The following PPP2R3B variants were observed in gnomAD, a reference collection of about 807,000 sequenced individuals.
PPP2R3B encodes the protein serine/threonine-protein phosphatase 2A regulatory subunit B'' subunit beta.
Under a neutral mutation model 72.9 loss-of-function variants are expected in PPP2R3B, and 68 were observed. That is an observed-to-expected ratio of 0.93 (90% CI 0.77 to 1.14). The LOEUF (loss-of-function observed/expected upper bound fraction) is 1.14. Among genes scored for constraint, PPP2R3B ranks in the 50% most tolerant of loss-of-function variants. The pLI is 0.00. For synonymous variants in PPP2R3B, 466 were observed against 375.8 expected (o/e 1.24, Z -2.78); for missense variants, 1,018 against 842.0 (o/e 1.21, Z -2.59).
intron 1 of PPP2R3B, among the ~76,000 whole-genome samples, chrX:377,421 C>T (rs1244366089): frequency 7.9e-5 from 3 of 37,890 alleles, no homozygotes; most frequent in Non-Finnish European, 1.7e-4. Flanking sequence ...TGTACAGGGA[C>T]GGGCCGTCCA....
At chrX:353,938 A>ACCCAAAGACCGGGGCTCG (rs2071384401) in intron 2 of PPP2R3B, among the ~76,000 whole-genome samples, 2 of 143,730 alleles carry the variant, frequency 1.4e-5, no homozygotes, top group African/African-American at 5.3e-5. Flanking sequence ...CCGGGGGCTC[A>ACCCAAAGACCGGGGCTCG]CCCAGGGAGC....
chrX:334,306 CGCGGTGGCCCGGTG>C lies in PPP2R3B; in HGVS notation c.*47_*60del. The C allele has an allele frequency of 7.1e-7, 1 of 1,418,406 alleles. No homozygotes were observed. The highest frequency in any genetic ancestry group is 2.7e-5 in the East Asian group (1 of 36,688). The allele number at this position is 1,418,406 out of a possible 1,614,324, so 87.9% of individuals were successfully genotyped here. ...TTTCCACAACAGTTTTTACACGAGC[CGCGGTGGCCCGGTG>C]GTGGCACGTGGGGAGCGGCCCCGCG... On this transcript the variant is annotated 3_prime_UTR_variant, in exon 13 of 13. Transcript: ENST00000390665.
intron 7 of PPP2R3B, chrX:342,184 A>G (rs1294198116): frequency 1.7e-6 from 1 of 602,592 alleles, no homozygotes; most frequent in African/African-American, 1.9e-5. Flanking sequence ...ACCGACTTGT[A>G]AAGAGCAGAA....
Position 346,251 on chromosome X carries a change from G to A in PPP2R3B, c.802C>T (p.Arg268Trp). The A allele has an allele frequency of 1.9e-6, 3 of 1,568,536 alleles. No homozygotes were observed. Among genetic ancestry groups the A allele is most frequent in the African/African-American group, 2.7e-5 (2 of 73,768 alleles). The change falls in exon 6 of 13, where the codon CGG becomes TGG. Residue 268 changes from arginine (R) to tryptophan (W), a missense_variant. Transcript: ENST00000390665. ...HSRYITTVIQ[R>W]IFYAVNRSWS... ...GACCGGTTCACGGCGTAGAAGATCCGCTGGATGACCTGCGGGGGCGCTGTC... is the reference window on the plus strand; with the variant it reads ...GACCGGTTCACGGCGTAGAAGATCCACTGGATGACCTGCGGGGGCGCTGTC...
At chrX:364,885 A>C (rs1291043949) in intron 1 of PPP2R3B, among the ~76,000 whole-genome samples, 1 of 2,382 alleles carries the variant, frequency 4.2e-4, no homozygotes, top group East Asian at 0.014. Flanking sequence ...TCTGTCTCAA[A>C]ACAAAACAAA....
At chrX:368,958 C>T (rs2071795712) in intron 1 of PPP2R3B, among the ~76,000 whole-genome samples, 1 of 152,248 alleles carries the variant, frequency 6.6e-6, no homozygotes, top group African/African-American at 2.4e-5. Context: ...ACAACACAAC[C>T]ACCCCATGCG....
chrX:381,406 C>G (rs2072121026), intron 1 of PPP2R3B, among the ~76,000 whole-genome samples: 2 of 152,148 alleles, frequency 1.3e-5, no homozygotes, highest in African/African-American at 4.8e-5. Flanking sequence ...AGCGTGAACC[C>G]TCCTGACAGC....
chrX:374,701 T>A (rs5987295), intron 1 of PPP2R3B, among the ~76,000 whole-genome samples: 2,317 of 152,160 alleles, frequency 0.015, 50 homozygotes, highest in African/African-American at 0.053. Flanking sequence ...ATCAGGAAGG[T>A]CCTGCGTGAC....
chrX:338,958 T>A (rs2070974961), intron 10 of PPP2R3B, 62 bp from the exon 11 acceptor site: 5 of 1,385,210 alleles, frequency 3.6e-6, no homozygotes. Context: ...GGCCTGGGTG[T>A]GGGGTGCGCG....
At chrX:375,816 A>AGGTGACACACGCCCTGTCCTGCCATGCTG (rs1569415925) in intron 1 of PPP2R3B, among the ~76,000 whole-genome samples, 3 of 151,430 alleles carry the variant, frequency 2.0e-5, no homozygotes, top group Non-Finnish European at 4.4e-5. Context: ...CTGCCACGCC[A>AGGTGACACACGCCCTGTCCTGCCATGCTG]GGTGACACAC....
At position 334,384 on chromosome X, in the gene PPP2R3B, C is replaced by T. The variant is rs760312063; in HGVS notation, c.1711G>A (p.Asp571Asn). Residue 571 changes from aspartate (D) to asparagine (N), a missense_variant, in exon 13 of 13, where the codon GAC (aspartate) becomes AAC (asparagine). Transcript: ENST00000390665. Reference sequence around the variant, plus strand: ...GGGCGGCGTCACAGCGGCTCCAGGTCCTCGTCCCCGCATGCGTACTCGTAC... The same window carrying T: ...GGGCGGCGTCACAGCGGCTCCAGGTTCTCGTCCCCGCATGCGTACTCGTAC... ...DLYEYACGDEDLEPL is the reference protein window; with the variant it reads ...DLYEYACGDENLEPL The T allele has an allele frequency of 3.1e-5, 47 of 1,525,028 alleles. No individual in the cohort carries two copies. Among genetic ancestry groups the T allele is most frequent in the African/African-American group, 4.3e-5 (3 of 69,620 alleles). 94.5% of individuals were successfully genotyped at this position (1,525,028 alleles called of 1,614,324 possible). A position where few individuals can be genotyped will look rare whatever the true frequency, so the allele number is the denominator to read the frequency against.
chrX:363,330 C>T (rs1279328387), intron 1 of PPP2R3B, among the ~76,000 whole-genome samples: 1 of 150,440 alleles, frequency 6.6e-6, no homozygotes, highest in Non-Finnish European at 1.5e-5. Flanking sequence ...CACAGTGCAT[C>T]TCCCCGAGCC....
At chrX:345,401 G>T in intron 7 of PPP2R3B, 115 bp downstream of exon 7, 1 of 1,386,860 alleles carries the variant, frequency 7.2e-7, no homozygotes, top group Non-Finnish European at 1.0e-6. Context: ...AGGAGAGGCA[G>T]CTGCAGACAC....
In PPP2R3B at chrX:334,645, T is replaced by A. The variant is rs777610999; in HGVS notation, c.1578-128A>T. 6.3e-5 allele frequency: 70 copies of A among 1,110,076 alleles called. 1 individual carries two copies. In the South Asian group the frequency reaches 1.5e-3, roughly 24 times the overall value. 68.8% of individuals were successfully genotyped at this position (1,110,076 alleles called of 1,614,324 possible). ...ACAGTCCCCTGAGCCGACCTTGAGC[T>A]CCAGCCGCTGAGCCAGCAACGCGCT... On this transcript the variant is annotated intron_variant, in intron 12 of 12. Coordinates refer to ENST00000390665, the MANE Select transcript of PPP2R3B (RefSeq NM_013239.5).
chrX:357,155 G>C (rs2071454721), intron 2 of PPP2R3B, among the ~76,000 whole-genome samples: 1 of 151,722 alleles, frequency 6.6e-6, no homozygotes, highest in Non-Finnish European at 1.5e-5. Context: ...GCGACCGGAA[G>C]CACATCTGCA....
At chrX:355,020 T>C (rs979319674) in intron 2 of PPP2R3B, among the ~76,000 whole-genome samples, 24 of 152,170 alleles carry the variant, frequency 1.6e-4, no homozygotes, top group African/African-American at 5.3e-4. Context: ...GCCGAGCCTG[T>C]GTACAGAAAG....
chrX:345,166 C>T (rs1490627401), intron 7 of PPP2R3B: 4 of 541,804 alleles, frequency 7.4e-6, no homozygotes, highest in Non-Finnish European at 1.4e-5. Flanking sequence ...GAACCTGGAG[C>T]TCCTGAGGGA....
At chrX:366,882 A>G (rs1292383261) in intron 1 of PPP2R3B, among the ~76,000 whole-genome samples, 7 of 144,806 alleles carry the variant, frequency 4.8e-5, no homozygotes, top group African/African-American at 1.6e-4. Flanking sequence ...CAAACGATTA[A>G]CCAGGTGTGG....
intron 2 of PPP2R3B, among the ~76,000 whole-genome samples, chrX:354,619 G>A (rs980960767): frequency 3.3e-5 from 5 of 152,214 alleles, no homozygotes; most frequent in Non-Finnish European, 5.9e-5. Flanking sequence ...GAGAGGCTGA[G>A]GCAAGAGGAT....
Sources: allele counts gnomAD v4.1 joint callset (sites outside exome capture counted in the v4.1 genomes callset), GRCh38; gene constraint gnomAD v4.1.1; transcripts MANE v1.5; gene names NCBI Gene and HGNC (gene_info 2026-07-23, HGNC 2026-07-21).